UTRN: variants seen among roughly 807,000 people sequenced by gnomAD.
UTRN encodes utrophin, also known as dystrophin-related protein 1.
UTRN carries 283 observed loss-of-function variants against 463.9 expected under a neutral mutation model. The observed-to-expected ratio is 0.61, with a 90% confidence interval of 0.55 to 0.67. The LOEUF is 0.67. Ranked by LOEUF, UTRN falls within the 30% of genes least tolerant of loss-of-function variation. The pLI is 0.00. For missense variants in UTRN, 3,922 were observed against 4,084.3 expected, an observed-to-expected ratio of 0.96 and a Z score of 1.08; for synonymous variants, 1,442 against 1,431.5, an observed-to-expected ratio of 1.01 and a Z score of -0.17.
intron 12 of UTRN, among the ~76,000 whole-genome samples, chr6:144,439,849 G>T (rs1786968212): frequency 6.6e-6 from 1 of 152,112 alleles, no homozygotes; most frequent in Non-Finnish European, 1.5e-5. Context: ...CTCTTCCCAT[G>T]GAAAAGGCGA....
At chr6:144,614,639 T>G (rs927484217) in intron 51 of UTRN, among the ~76,000 whole-genome samples, 2 of 152,164 alleles carry the variant, frequency 1.3e-5, no homozygotes, top group African/African-American at 4.8e-5. Context: ...CATTGCAAGC[T>G]TCCTTTGGCC....
intron 45 of UTRN, among the ~76,000 whole-genome samples, chr6:144,541,873 G>A (rs140901913): frequency 6.4e-4 from 98 of 152,314 alleles, no homozygotes; most frequent in Non-Finnish European, 1.1e-3. Context: ...GGTGAAGAAT[G>A]AGGGAAAGTG....
chr6:144,296,397 C>T (rs1408068737), intron 2 of UTRN, among the ~76,000 whole-genome samples: 3 of 152,208 alleles, frequency 2.0e-5, no homozygotes, highest in African/African-American at 7.2e-5. Flanking sequence ...CCCCTCATCC[C>T]TTGGAAAAAT....
intron 51 of UTRN, among the ~76,000 whole-genome samples, chr6:144,646,170 A>T (rs143666053): frequency 1.7e-3 from 261 of 152,320 alleles, no homozygotes; most frequent in African/African-American, 5.9e-3. Flanking sequence ...TAGTGGTTAC[A>T]GTGTCATGCA....
intron 50 of UTRN, among the ~76,000 whole-genome samples, chr6:144,558,566 G>A (rs917234705): frequency 6.6e-6 from 1 of 152,096 alleles, no homozygotes; most frequent in Admixed American, 6.5e-5. Context: ...CACCGACATG[G>A]CACATGTATA....
intron 62 of UTRN, among the ~76,000 whole-genome samples, chr6:144,791,661 G>C (rs1366576530): frequency 7.3e-5 from 11 of 151,476 alleles, no homozygotes; most frequent in Admixed American, 6.6e-4. Flanking sequence ...TGAGTTTTTA[G>C]ATTATGACTT....
intron 52 of UTRN, among the ~76,000 whole-genome samples, chr6:144,692,975 G>A (rs2128693516): frequency 1.3e-5 from 2 of 151,402 alleles, no homozygotes; most frequent in South Asian, 4.2e-4. Flanking sequence ...CCTATGTGTA[G>A]AATGGTATTG....
intron 30 of UTRN, among the ~76,000 whole-genome samples, chr6:144,489,562 G>C (rs1409665291): frequency 6.6e-6 from 1 of 152,112 alleles, no homozygotes; most frequent in Non-Finnish European, 1.5e-5. Context: ...CCCTTAGCAG[G>C]TGCGTCATGT....
At chr6:144,824,610 A>ATCTCTC (rs1779972421) in intron 66 of UTRN, among the ~76,000 whole-genome samples, 1 of 43,614 alleles carries the variant, frequency 2.3e-5, no homozygotes, top group African/African-American at 1.3e-4. Context: ...ATATATATAT[A>ATCTCTC]TATCTTTTTT....
At chr6:144,621,716 A>G (rs1056908196) in intron 51 of UTRN, among the ~76,000 whole-genome samples, 2 of 152,180 alleles carry the variant, frequency 1.3e-5, no homozygotes, top group African/African-American at 4.8e-5. Context: ...TTATACCTCA[A>G]TCACTGCCGT....
chr6:144,398,070 C>T (rs937602835), intron 2 of UTRN: 16 of 241,952 alleles, frequency 6.6e-5, no homozygotes, highest in African/African-American at 1.6e-4. Flanking sequence ...ATATGGCGTC[C>T]GTGCTCTGGA....
At chr6:144,813,720 A>C (rs1778832067) in intron 65 of UTRN, among the ~76,000 whole-genome samples, 1 of 152,208 alleles carries the variant, frequency 6.6e-6, no homozygotes, top group Admixed American at 6.5e-5. Flanking sequence ...AAGACAAGGA[A>C]GTGAGGGTGC....
At position 144,317,458 on chromosome 6, in the gene UTRN, G is replaced by A. The variant is rs192227543; in HGVS notation, c.79+25551G>A. 2.3e-3 allele frequency among the ~76,000 whole-genome samples: 347 copies of A among 152,112 alleles called. 1 individual carries two copies. Among genetic ancestry groups the A allele is most frequent in the African/African-American group, 7.5e-3 (313 of 41,482 alleles). ...CTTGCTCTTTTCGGAGTGCAGTGGG[G>A]CCATCTCGGCTCACTGCAACCTCTG... On this transcript the variant is annotated intron_variant, in intron 2 of 74. Transcript: ENST00000367545.
chr6:144,462,631 T>C, intron 22 of UTRN, 23 bp from the exon 23 acceptor site: 1 of 1,577,348 alleles, frequency 6.3e-7, no homozygotes, highest in South Asian at 1.2e-5. Context: ...TGCATATTTT[T>C]AATCTTTTAA....
intron 35 of UTRN, among the ~76,000 whole-genome samples, chr6:144,511,909 C>T (rs915706761): frequency 2.0e-5 from 3 of 151,924 alleles, no homozygotes; most frequent in African/African-American, 7.3e-5. Flanking sequence ...TCTGAAATAC[C>T]TGAGATAGGA....
At chr6:144,328,312 G>C (rs1007562539) in intron 2 of UTRN, among the ~76,000 whole-genome samples, 1 of 152,026 alleles carries the variant, frequency 6.6e-6, no homozygotes, top group Non-Finnish European at 1.5e-5. Context: ...GGCTTATCTA[G>C]CATCTTAACA....
chr6:144,371,846 G>C (rs1780013259), intron 2 of UTRN, among the ~76,000 whole-genome samples: 1 of 152,172 alleles, frequency 6.6e-6, no homozygotes, highest in South Asian at 2.1e-4. Context: ...GGGCTGGGGA[G>C]GCATACATTC....
At chr6:144,689,050 C>T (rs892719186) in intron 52 of UTRN, among the ~76,000 whole-genome samples, 2 of 152,186 alleles carry the variant, frequency 1.3e-5, no homozygotes, top group African/African-American at 4.8e-5. Context: ...CCCAGTCACT[C>T]TCCTGACCCA....
At chr6:144,423,654 T>C in intron 5 of UTRN, 28 bp downstream of exon 5, 2 of 1,610,788 alleles carry the variant, frequency 1.2e-6, no homozygotes, top group Non-Finnish European at 8.5e-7. Context: ...GTTCTGGGGG[T>C]CTGTGCTGCC....
Sources: allele counts gnomAD v4.1 joint callset (sites outside exome capture counted in the v4.1 genomes callset), GRCh38; gene constraint gnomAD v4.1.1; transcripts MANE v1.5; gene names NCBI Gene and HGNC (gene_info 2026-07-23, HGNC 2026-07-21).